Variants in SOX6 observed in about 807,000 individuals in gnomAD.
The protein encoded by SOX6 is SRY-box transcription factor 6.
SOX6 carries 11 observed loss-of-function variants against 97.8 expected under a neutral mutation model. The ratio of observed to expected loss-of-function variants is 0.11; its 90% CI spans 0.07 to 0.19. SOX6 has a LOEUF of 0.19. SOX6 is among the 10% of genes least tolerant of loss of function. The probability of loss-of-function intolerance (pLI) is 1.00; values close to 1 mark genes in which losing one functional copy is unlikely to be tolerated. For synonymous variants in SOX6, 360 were observed against 371.4 expected, an observed-to-expected ratio of 0.97 and a Z score of 0.35; for missense variants, 810 against 1,039.5, an observed-to-expected ratio of 0.78 and a Z score of 3.04.
chr11:16,575,612 A>G (rs748171396), intron 4 of SOX6, among the ~76,000 whole-genome samples: 1 of 152,218 alleles, frequency 6.6e-6, no homozygotes, highest in Admixed American at 6.5e-5. Context: ...TGGAACATAC[A>G]CAAAAAATAG....
intron 6 of SOX6, among the ~76,000 whole-genome samples, chr11:16,155,286 G>A (rs890280447): frequency 3.9e-5 from 6 of 152,042 alleles, no homozygotes; most frequent in Admixed American, 1.3e-4. Flanking sequence ...GTCTGAATTC[G>A]AGGTCTTCCA....
intron 10 of SOX6, among the ~76,000 whole-genome samples, chr11:16,052,940 G>A (rs1404965016): frequency 1.3e-5 from 2 of 152,094 alleles, no homozygotes; most frequent in African/African-American, 4.8e-5. Context: ...CTACATTCTG[G>A]TGTTTCCCCT....
chr11:16,485,789 G>A (rs1282342388), intron 4 of SOX6, among the ~76,000 whole-genome samples: 1 of 150,374 alleles, frequency 6.7e-6, no homozygotes, highest in Non-Finnish European at 1.5e-5. Flanking sequence ...AGCTACCGAG[G>A]AGGCTGAGGC....
intron 7 of SOX6, 34 bp from the exon 8 acceptor site, chr11:16,097,722 A>G: frequency 6.4e-7 from 1 of 1,571,946 alleles, no homozygotes. Context: ...AGGTTTAGAC[A>G]ATGCACAGGG....
chr11:16,595,188 A>AT lies in SOX6; in HGVS notation n.609+16892dup, dbSNP rs547134267. On this transcript the variant is annotated intron_variant and non_coding_transcript_variant, in intron 4 of 5. Transcript: ENST00000524520. ...TTCTTTTTAATGTAGAGATTTCATC[A>AT]TTTTTTTTTCATGCCATTACCAACA... Among the ~76,000 whole-genome samples the AT allele has an allele frequency of 1.2e-4, 18 of 150,350 alleles. No individual in the cohort carries two copies. The South Asian group carries it at 1.3e-3, about 11-fold the overall frequency.
At chr11:16,678,240 T>C (rs2134028117) in intron 3 of SOX6, among the ~76,000 whole-genome samples, 1 of 152,298 alleles carries the variant, frequency 6.6e-6, no homozygotes, top group Non-Finnish European at 1.5e-5. Context: ...GGATCTAAAG[T>C]GATGGATTTG....
At chr11:16,434,912 G>A (rs946253819) in intron 1 of SOX6, among the ~76,000 whole-genome samples, 3 of 152,076 alleles carry the variant, frequency 2.0e-5, no homozygotes, top group Non-Finnish European at 4.4e-5. Context: ...GTTTATATTA[G>A]ATGTTATATA....
intron 3 of SOX6, among the ~76,000 whole-genome samples, chr11:16,281,488 C>A (rs1053124535): frequency 1.3e-5 from 2 of 152,044 alleles, no homozygotes; most frequent in Admixed American, 1.3e-4. Context: ...AGATGTATTT[C>A]ATTTTTCCTA....
chr11:16,512,094 G>A (rs2133152079), intron 4 of SOX6, among the ~76,000 whole-genome samples: 1 of 152,122 alleles, frequency 6.6e-6, no homozygotes, highest in South Asian at 2.1e-4. Context: ...AAGGACAATA[G>A]AAACCAACCA....
intron 1 of SOX6, among the ~76,000 whole-genome samples, chr11:16,346,170 T>C (rs1856771547): frequency 6.6e-6 from 1 of 151,946 alleles, no homozygotes; most frequent in Non-Finnish European, 1.5e-5. Flanking sequence ...CATCAGATAA[T>C]TCACTGTTAA....
intron 4 of SOX6, among the ~76,000 whole-genome samples, chr11:16,543,548 T>G (rs1303438879): frequency 1.3e-5 from 2 of 152,124 alleles, no homozygotes; most frequent in Non-Finnish European, 2.9e-5. Context: ...AAATCATATC[T>G]AAGTAGGGCC....
upstream of SOX6, among the ~76,000 whole-genome samples, chr11:16,479,267 T>C (rs1263225589): frequency 1.3e-5 from 2 of 152,168 alleles, no homozygotes; most frequent in Non-Finnish European, 2.9e-5. Context: ...GGGTGGCTCA[T>C]GCCTGTAATC....
chr11:16,608,063 C>T (rs1404992136), intron 4 of SOX6, among the ~76,000 whole-genome samples: 3 of 151,306 alleles, frequency 2.0e-5, no homozygotes, highest in Non-Finnish European at 4.4e-5. Context: ...GAGAGAAAGT[C>T]GGGGTCAGAG....
At chr11:16,683,466 C>G (rs1440357710) in intron 3 of SOX6, among the ~76,000 whole-genome samples, 1 of 152,036 alleles carries the variant, frequency 6.6e-6, no homozygotes, top group Non-Finnish European at 1.5e-5. Flanking sequence ...ACAAACCTGA[C>G]AAAAACAAGA....
intron 15 of SOX6, among the ~76,000 whole-genome samples, chr11:15,978,614 T>C (rs1853563759): frequency 6.6e-6 from 1 of 151,258 alleles, no homozygotes; most frequent in African/African-American, 2.4e-5. Flanking sequence ...CTTCTCTATC[T>C]AAATTGATTC....
upstream of SOX6, among the ~76,000 whole-genome samples, chr11:16,358,361 A>G (rs553236766): frequency 4.9e-4 from 74 of 152,250 alleles, no homozygotes; most frequent in African/African-American, 1.7e-3. Flanking sequence ...TTAAAAATAT[A>G]TTTTACAAGA....
intron 4 of SOX6, among the ~76,000 whole-genome samples, chr11:16,556,097 AG>A (rs1847745380): frequency 6.6e-6 from 1 of 151,774 alleles, no homozygotes; most frequent in Non-Finnish European, 1.5e-5. Context: ...ATCTAAAAAA[AG>A]TCCTTAAATA....
intron 4 of SOX6, among the ~76,000 whole-genome samples, chr11:16,544,440 C>G (rs1403832453): frequency 6.6e-6 from 1 of 151,964 alleles, no homozygotes; most frequent in East Asian, 1.9e-4. Flanking sequence ...TTAAAACTTT[C>G]AGAGAGAAGG....
At chr11:16,570,489 CT>C (rs1847927208) in intron 4 of SOX6, among the ~76,000 whole-genome samples, 1 of 152,158 alleles carries the variant, frequency 6.6e-6, no homozygotes, top group Non-Finnish European at 1.5e-5. Context: ...TCCCAGAAGC[CT>C]TTTATTTAAA....
Sources: gnomAD v4.1 joint callset for allele counts (sites outside exome capture counted in the v4.1 genomes callset) on GRCh38, gnomAD v4.1.1 for gene constraint, MANE v1.5 for transcripts, NCBI Gene and HGNC (gene_info 2026-07-23, HGNC 2026-07-21) for gene names.